The following ZC3H6 variants were observed in gnomAD, a reference collection of about 807,000 sequenced individuals.
The protein encoded by ZC3H6 is zinc finger CCCH domain-containing protein 6.
ZC3H6 carries 40 observed loss-of-function variants against 107.7 expected under a neutral mutation model. That is an observed-to-expected ratio of 0.37 (90% CI 0.29 to 0.48). The LOEUF is 0.48. Ranked by LOEUF, ZC3H6 falls within the 20% of genes least tolerant of loss-of-function variation. The pLI is 0.98. For synonymous variants in ZC3H6, 493 were observed against 487.9 expected, an observed-to-expected ratio of 1.01 and a Z score of -0.14; for missense variants, 1,267 against 1,410.4, an observed-to-expected ratio of 0.90 and a Z score of 1.63.
chr2:112,289,310 T>TTTTTC (rs1354351380), intron 1 of ZC3H6, among the ~76,000 whole-genome samples: 18 of 144,830 alleles, frequency 1.2e-4, no homozygotes, highest in Non-Finnish European at 1.2e-4. Flanking sequence ...TGAACACTTT[T>TTTTTC]TTTTTCTTTT....
At chr2:112,290,067 T>C (rs147613945) in intron 1 of ZC3H6, among the ~76,000 whole-genome samples, 948 of 152,090 alleles carry the variant, frequency 6.2e-3, no homozygotes, top group African/African-American at 0.022. Context: ...AATAAAAAGT[T>C]TGGACTAATG....
intron 11 of ZC3H6, among the ~76,000 whole-genome samples, chr2:112,326,416 G>A (rs1484608442): frequency 6.6e-6 from 1 of 152,074 alleles, no homozygotes; most frequent in Non-Finnish European, 1.5e-5. Flanking sequence ...ATGTCCATGA[G>A]TTCAATTGTT....
intron 2 of ZC3H6, 116 bp from the exon 3 acceptor site, chr2:112,303,113 C>T (rs1676414673): frequency 2.3e-6 from 3 of 1,326,024 alleles, no homozygotes; most frequent in Admixed American, 2.5e-5. Context: ...TTCAGAGTCT[C>T]CTGGAATAAT....
intron 1 of ZC3H6, among the ~76,000 whole-genome samples, chr2:112,289,708 C>T (rs1312269626): frequency 1.3e-5 from 2 of 151,192 alleles, no homozygotes; most frequent in African/African-American, 4.9e-5. Flanking sequence ...TTTCTGGCTT[C>T]ATATGATTTA....
At chr2:112,315,633 G>T (rs1676683329) in intron 5 of ZC3H6, among the ~76,000 whole-genome samples, 1 of 148,476 alleles carries the variant, frequency 6.7e-6, no homozygotes, top group Non-Finnish European at 1.5e-5. Context: ...TCACTCTGTT[G>T]CCCAGGCAGG....
chr2:112,277,881 G>C (rs1212016924), intron 1 of ZC3H6, among the ~76,000 whole-genome samples: 1 of 151,994 alleles, frequency 6.6e-6, no homozygotes, highest in Non-Finnish European at 1.5e-5. Flanking sequence ...TACAAGATCA[G>C]ATCAATGGTT....
At position 112,324,195 on chromosome 2, in the gene ZC3H6, T is replaced by A; in HGVS notation, c.1384T>A (p.Phe462Ile). Residue 462 changes from phenylalanine (F) to isoleucine (I), a missense_variant, in exon 10 of 12, where the codon TTT (phenylalanine) becomes ATT (isoleucine). By Grantham distance (21) the Phe-to-Ile change is conservative. Coordinates refer to ENST00000409871, the MANE Select transcript of ZC3H6 (RefSeq NM_198581.3). ...CAGTGCCTCACCACCAGGACCACAA[T>A]TTCAGGGAAGCAGTCCACACCCTCA... ...YTSASPPGPQFQGSSPHPQHI... is the reference protein window; with the variant it reads ...YTSASPPGPQIQGSSPHPQHI... 3 of 1,592,648 alleles carry A rather than the reference T, an allele frequency of 1.9e-6. No homozygotes were observed. The South Asian group carries it at 3.3e-5, about 18-fold the overall frequency.
At chr2:112,278,166 G>GA (rs894440009) in intron 1 of ZC3H6, among the ~76,000 whole-genome samples, 10 of 152,178 alleles carry the variant, frequency 6.6e-5, no homozygotes, top group African/African-American at 2.2e-4. Flanking sequence ...GAAATTTGGG[G>GA]AAAAAATGGA....
At chr2:112,326,676 G>A (rs1676911117) in intron 11 of ZC3H6, among the ~76,000 whole-genome samples, 1 of 152,050 alleles carries the variant, frequency 6.6e-6, no homozygotes, top group Non-Finnish European at 1.5e-5. Context: ...TCAGTGACAC[G>A]ATCTCGGCTC....
At chr2:112,325,320 C>G (rs1463283633) in intron 11 of ZC3H6, 123 bp downstream of exon 11, 1 of 862,930 alleles carries the variant, frequency 1.2e-6, no homozygotes, top group Non-Finnish European at 1.8e-6. Flanking sequence ...ATGGTGAAAC[C>G]CCATCTCTAC....
intron 9 of ZC3H6, among the ~76,000 whole-genome samples, chr2:112,323,922 A>G (rs1383014811): frequency 6.6e-6 from 1 of 152,158 alleles, no homozygotes; most frequent in African/African-American, 2.4e-5. Flanking sequence ...GTTTTTCAAA[A>G]CAGTAAGTTT....
At chr2:112,281,768 A>T (rs1686530533) in intron 1 of ZC3H6, among the ~76,000 whole-genome samples, 1 of 152,130 alleles carries the variant, frequency 6.6e-6, no homozygotes, top group African/African-American at 2.4e-5. Flanking sequence ...GAATGATACC[A>T]CTCAAGGTAT....
chr2:112,300,360 C>G lies in ZC3H6; in HGVS notation c.213+331C>G, dbSNP rs147226501. ...AGCTGGAACTACAGGTGCACACCAC[C>G]ACACTTGGCTAATGTTTTATTTTTA... is the stretch of plus-strand genomic sequence containing the variant. On this transcript the variant is annotated intron_variant, in intron 2 of 11. Transcript: ENST00000409871. 3.3e-3 allele frequency among the ~76,000 whole-genome samples: 495 copies of G among 152,146 alleles called. 6 individuals are homozygous for G. The highest frequency in any genetic ancestry group is 0.011 in the African/African-American group (476 of 41,512).
rs1000967527 is a variant in ZC3H6 at position 112,331,325 on chromosome 2, G to A, written c.2407G>A (p.Ala803Thr). The A allele has an allele frequency of 2.5e-6, 4 of 1,613,560 alleles. No individual in the cohort carries two copies. Among genetic ancestry groups the A allele is most frequent in the Non-Finnish European group, 3.4e-6 (4 of 1,179,886 alleles). Residue 803 changes from alanine (A) to threonine (T), a missense_variant, in exon 12 of 12, where the codon GCA becomes ACA. Ala to Thr is a moderately conservative substitution (Grantham distance 58). Coordinates refer to ENST00000409871, the MANE Select transcript of ZC3H6 (RefSeq NM_198581.3). Reference sequence around the variant, plus strand: ...TCACATAGGCTCTTCTGTTGGTGGAGCAAAGTTTGATTTGCATCATGCAAA... The same window carrying A: ...TCACATAGGCTCTTCTGTTGGTGGAACAAAGTTTGATTTGCATCATGCAAA... The part of the protein sequence containing the change: ...SGHIGSSVGG[A>T]KFDLHHANAG...
intron 2 of ZC3H6, among the ~76,000 whole-genome samples, chr2:112,302,224 C>G (rs976751838): frequency 1.3e-5 from 2 of 151,978 alleles, no homozygotes; most frequent in East Asian, 3.8e-4. Context: ...AAATCCTAGC[C>G]AAGAATGATT....
At chr2:112,277,943 G>T (rs1343574519) in intron 1 of ZC3H6, among the ~76,000 whole-genome samples, 1 of 152,104 alleles carries the variant, frequency 6.6e-6, no homozygotes, top group Non-Finnish European at 1.5e-5. Context: ...CGCTATTTCT[G>T]TTGGTCTGGA....
intron 5 of ZC3H6, among the ~76,000 whole-genome samples, chr2:112,314,172 C>G (rs542041872): frequency 1.9e-4 from 27 of 141,172 alleles, no homozygotes; most frequent in African/African-American, 7.0e-4. Context: ...CTCCATCTCT[C>G]CCTCTTTCTC....
rs1558954448 is a variant in ZC3H6 at position 112,317,191 on chromosome 2, CTTTTTTCTTTTTTT to C, written c.865-23_865-10del. On this transcript the variant is annotated splice_polypyrimidine_tract_variant and intron_variant, in intron 6 of 11. Transcript: ENST00000409871. ...TTCTCATTGTTTCTTACCTTTTTTT[CTTTTTTCTTTTTTT>C]TTTTTTTGTGAATAGGGAGATCAGT... 10 of 1,118,012 alleles carry C rather than the reference CTTTTTTCTTTTTTT, an allele frequency of 8.9e-6. No individual in the cohort carries two copies. The highest frequency in any genetic ancestry group is 1.2e-5 in the Non-Finnish European group (10 of 854,282). The allele number at this position is 1,118,012 out of a possible 1,614,324, so 69.3% of individuals were successfully genotyped here.
At chr2:112,301,716 A>C (rs1410960519) in intron 2 of ZC3H6, among the ~76,000 whole-genome samples, 1 of 152,156 alleles carries the variant, frequency 6.6e-6, no homozygotes, top group East Asian at 1.9e-4. Context: ...ATGCTCAAAC[A>C]GCATAGAATA....
Sources: allele counts gnomAD v4.1 joint callset (sites outside exome capture counted in the v4.1 genomes callset), GRCh38; gene constraint gnomAD v4.1.1; transcripts MANE v1.5; gene names NCBI Gene and HGNC (gene_info 2026-07-23, HGNC 2026-07-21).